Variants in DGUOK observed in about 807,000 individuals in gnomAD.
DGUOK encodes deoxyguanosine kinase, mitochondrial.
A neutral mutation model predicts 36.6 loss-of-function variants in DGUOK; 30 were observed. The observed-to-expected ratio is 0.82, with a 90% CI of 0.61 to 1.11. The LOEUF is 1.11. Among genes scored for constraint, DGUOK ranks in the 50% most tolerant of loss-of-function variants. DGUOK has a pLI of 0.00. For missense variants in DGUOK, 361 were observed against 336.4 expected (o/e 1.07, Z -0.57); for synonymous variants, 145 against 126.3 (o/e 1.15, Z -0.99).
intron 2 of DGUOK, among the ~76,000 whole-genome samples, chr2:73,942,895 G>A (rs1239994474): frequency 1.3e-5 from 2 of 152,154 alleles, no homozygotes; most frequent in Non-Finnish European, 2.9e-5. Context: ...TTTTTATCAT[G>A]ATCAAATGTT....
chr2:73,958,655 T>C (rs1683312688), intron 6 of DGUOK, 55 bp from the exon 7 acceptor site: 9 of 1,497,228 alleles, frequency 6.0e-6, no homozygotes, highest in Non-Finnish European at 7.5e-6. Context: ...GGGTGGACCA[T>C]TGAAAATTCT....
intron 1 of DGUOK, among the ~76,000 whole-genome samples, chr2:73,930,976 T>C (rs1448545963): frequency 6.6e-6 from 1 of 151,704 alleles, no homozygotes; most frequent in Admixed American, 6.6e-5. Context: ...CTTGTATTTT[T>C]TAGTAGAGAC....
intron 1 of DGUOK, chr2:73,932,750 C>A: frequency 2.4e-6 from 2 of 829,690 alleles, no homozygotes; most frequent in Non-Finnish European, 3.2e-6. Context: ...CCTGAAGGTG[C>A]AGACAGCGGC....
chr2:73,938,412 G>A (rs1681639736), intron 1 of DGUOK, among the ~76,000 whole-genome samples: 2 of 152,174 alleles, frequency 1.3e-5, no homozygotes, highest in Non-Finnish European at 2.9e-5. Flanking sequence ...TCCATTCTGT[G>A]TTTTGTTTAC....
chr2:73,927,189 C>T (rs888219927), intron 1 of DGUOK, 137 bp downstream of exon 1: 12 of 1,207,358 alleles, frequency 9.9e-6, no homozygotes, highest in Non-Finnish European at 1.4e-5. Context: ...GAGCCTTTCC[C>T]CTCGCAAAGT....
At chr2:73,948,150 C>T (rs1262914971) in intron 3 of DGUOK, among the ~76,000 whole-genome samples, 2 of 152,174 alleles carry the variant, frequency 1.3e-5, no homozygotes, top group African/African-American at 4.8e-5. Flanking sequence ...GGATATCCCA[C>T]CTGCCTGTTT....
intron 1 of DGUOK, among the ~76,000 whole-genome samples, chr2:73,936,334 C>T (rs988244850): frequency 6.6e-6 from 1 of 152,202 alleles, no homozygotes; most frequent in African/African-American, 2.4e-5. Flanking sequence ...AGGATTTAGA[C>T]ACAGGCCTGG....
chr2:73,950,167 T>C (rs1682603765), intron 3 of DGUOK, among the ~76,000 whole-genome samples: 1 of 106,996 alleles, frequency 9.3e-6, no homozygotes. Context: ...GGATTTATAC[T>C]GGATTCACTT....
chr2:73,928,861 G>A (rs544389853), intron 1 of DGUOK, among the ~76,000 whole-genome samples: 1 of 152,336 alleles, frequency 6.6e-6, no homozygotes, highest in African/African-American at 2.4e-5. Flanking sequence ...GTGGTGAGAC[G>A]TGATTGGATT....
intron 3 of DGUOK, among the ~76,000 whole-genome samples, chr2:73,948,416 G>C (rs1013952307): frequency 6.6e-6 from 1 of 152,202 alleles, no homozygotes; most frequent in Non-Finnish European, 1.5e-5. Flanking sequence ...CAACATTCCA[G>C]GTGCTATCTT....
At chr2:73,940,988 C>T (rs938382916) in intron 2 of DGUOK, among the ~76,000 whole-genome samples, 2 of 152,302 alleles carry the variant, frequency 1.3e-5, no homozygotes, top group Non-Finnish European at 1.5e-5. Flanking sequence ...AGAAGTAGAG[C>T]GTAATTCTTG....
chr2:73,943,234 T>G (rs1004843709), intron 2 of DGUOK, among the ~76,000 whole-genome samples: 1 of 152,162 alleles, frequency 6.6e-6, no homozygotes, highest in African/African-American at 2.4e-5. Flanking sequence ...CACTGCAGCC[T>G]TGAAGTCCTG....
At chr2:73,950,819 G>C in intron 4 of DGUOK, 87 bp downstream of exon 4, 1 of 1,562,884 alleles carries the variant, frequency 6.4e-7, no homozygotes, top group Non-Finnish European at 8.8e-7. Flanking sequence ...TCTGGTTGGA[G>C]AGATTAGAGC....
At chr2:73,955,997 C>T (rs1270762761) in intron 4 of DGUOK, among the ~76,000 whole-genome samples, 1 of 152,176 alleles carries the variant, frequency 6.6e-6, no homozygotes, top group Admixed American at 6.5e-5. Flanking sequence ...TCAAAACAAA[C>T]ATTTGGAGCA....
At chr2:73,932,543 G>A in intron 1 of DGUOK, 1 of 1,074,908 alleles carries the variant, frequency 9.3e-7, no homozygotes, top group Admixed American at 2.4e-5. Context: ...TACCCACACA[G>A]GGAATGTATT....
At chr2:73,954,397 C>T (rs890301005) in intron 4 of DGUOK, among the ~76,000 whole-genome samples, 3 of 151,866 alleles carry the variant, frequency 2.0e-5, no homozygotes, top group East Asian at 1.9e-4. Flanking sequence ...AGGCCGGGCA[C>T]GGTGACTCAC....
chr2:73,956,486 G>T (rs376496662), intron 4 of DGUOK, among the ~76,000 whole-genome samples: 1 of 152,186 alleles, frequency 6.6e-6, no homozygotes, highest in Non-Finnish European at 1.5e-5. Context: ...TACTACAGAC[G>T]GGTGGAGTGA....
At chr2:73,948,048 G>T (rs940301) in intron 3 of DGUOK, 103,874 of 152,082 alleles carry the variant, frequency 0.68, 35,697 homozygotes, top group Non-Finnish European at 0.69. Context: ...CGTTCCTTGT[G>T]TACGTACCCC....
intron 1 of DGUOK, among the ~76,000 whole-genome samples, chr2:73,935,681 A>G (rs1020304958): frequency 5.9e-5 from 9 of 152,216 alleles, no homozygotes; most frequent in Admixed American, 5.9e-4. Flanking sequence ...TCCAAGGCTG[A>G]GAAACATGGA....
Sources: gnomAD v4.1 joint callset for allele counts (sites outside exome capture counted in the v4.1 genomes callset) on GRCh38, gnomAD v4.1.1 for gene constraint, MANE v1.5 for transcripts, NCBI Gene and HGNC (gene_info 2026-07-23, HGNC 2026-07-21) for gene names.